COL28A1: variants seen among roughly 807,000 people sequenced by gnomAD.
The protein encoded by COL28A1 is collagen alpha-1(XXVIII) chain.
In COL28A1, 161 loss-of-function variants were observed where a neutral mutation model predicts 150.2. That is an observed-to-expected ratio of 1.07 (90% confidence interval 0.94 to 1.22). The LOEUF (loss-of-function observed/expected upper bound fraction) is 1.22, where lower values mean the gene tolerates loss of function less well. Among genes scored for constraint, COL28A1 ranks in the 50% most tolerant of loss-of-function variants. The probability of loss-of-function intolerance (pLI) is 0.00; values close to 1 mark genes in which losing one functional copy is unlikely to be tolerated. For synonymous variants in COL28A1, 552 were observed against 469.7 expected (o/e 1.18, Z -2.26); for missense variants, 1,617 against 1,388.3 (o/e 1.16, Z -2.62).
intron 27 of COL28A1, among the ~76,000 whole-genome samples, chr7:7,384,041 C>A (rs1019300104): frequency 6.6e-6 from 1 of 152,088 alleles, no homozygotes; most frequent in East Asian, 1.9e-4. Flanking sequence ...CTCTAAGGTT[C>A]TTTTTATTCT....
intron 11 of COL28A1, among the ~76,000 whole-genome samples, 169 bp from the exon 12 acceptor site, chr7:7,490,815 C>T (rs1465927501): frequency 6.6e-6 from 1 of 152,166 alleles, no homozygotes; most frequent in African/African-American, 2.4e-5. Flanking sequence ...AAAACACAGA[C>T]CCAAGATCAA....
At chr7:7,481,263 G>C (rs908031217) in intron 13 of COL28A1, among the ~76,000 whole-genome samples, 3 of 152,186 alleles carry the variant, frequency 2.0e-5, no homozygotes, top group Non-Finnish European at 4.4e-5. Context: ...TGAGAACGGA[G>C]AGTTAATGCT....
At chr7:7,511,243 G>T in intron 8 of COL28A1, 108 bp from the exon 9 acceptor site, 1 of 846,836 alleles carries the variant, frequency 1.2e-6, no homozygotes, top group Non-Finnish European at 1.9e-6. Flanking sequence ...TGTAACATAA[G>T]CACTCTTTTG....
At chr7:7,519,130 G>A (rs1484478623) in intron 6 of COL28A1, among the ~76,000 whole-genome samples, 1 of 152,198 alleles carries the variant, frequency 6.6e-6, no homozygotes, top group African/African-American at 2.4e-5. Context: ...TGGACTCACA[G>A]TTCCACAGTG....
upstream of COL28A1, among the ~76,000 whole-genome samples, chr7:7,537,462 C>T (rs1181142673): frequency 6.6e-6 from 1 of 152,112 alleles, no homozygotes; most frequent in Non-Finnish European, 1.5e-5. Flanking sequence ...AATATTATTC[C>T]AGGACCCCTT....
chr7:7,372,950 G>C (rs578148010), intron 32 of COL28A1, 48 bp downstream of exon 32: 7 of 1,519,398 alleles, frequency 4.6e-6, no homozygotes, highest in Middle Eastern at 1.7e-4. Flanking sequence ...ATGGTACTTA[G>C]AGGAACAACA....
Position 7,411,975 on chromosome 7 carries a change from A to G in COL28A1, c.2136+5884T>C, listed in dbSNP as rs1185630963. ...ACCAATATACTTCAGAGCAAAAAATAACTTAAAATTTCCATCCTTCCTAGA... is the reference window on the plus strand; with the variant it reads ...ACCAATATACTTCAGAGCAAAAAATGACTTAAAATTTCCATCCTTCCTAGA... On this transcript the variant is annotated intron_variant, in intron 27 of 34. Transcript: ENST00000399429. Among the ~76,000 whole-genome samples the G allele has an allele frequency of 2.1e-3, 324 of 152,104 alleles. 1 individual carries two copies. The highest frequency in any genetic ancestry group is 7.2e-3 in the African/African-American group (299 of 41,398).
At chr7:7,522,769 C>A (rs1781796171) in intron 4 of COL28A1, among the ~76,000 whole-genome samples, 1 of 113,558 alleles carries the variant, frequency 8.8e-6, no homozygotes, top group Non-Finnish European at 1.7e-5. Flanking sequence ...CCTTGGGCCA[C>A]GCATAAAATA....
chr7:7,347,075 C>T, the COL28A1 span, among the ~76,000 whole-genome samples: 22 of 152,024 alleles, frequency 1.4e-4, no homozygotes, highest in Non-Finnish European at 2.6e-4. Flanking sequence ...TACCAGAAGG[C>T]TTTTTTCCAT....
chr7:7,345,773 T>G, the COL28A1 span, among the ~76,000 whole-genome samples: 1 of 152,054 alleles, frequency 6.6e-6, no homozygotes, highest in African/African-American at 2.4e-5. Flanking sequence ...CTTCTCAGAT[T>G]TTCTGTTCAT....
At chr7:7,414,799 G>C (rs1284915108) in intron 27 of COL28A1, among the ~76,000 whole-genome samples, 1 of 152,138 alleles carries the variant, frequency 6.6e-6, no homozygotes, top group African/African-American at 2.4e-5. Flanking sequence ...TTGCTCCTAG[G>C]ATTAAGGCCA....
intron 21 of COL28A1, among the ~76,000 whole-genome samples, chr7:7,438,284 G>A (rs2128318235): frequency 6.6e-6 from 1 of 152,208 alleles, no homozygotes; most frequent in South Asian, 2.1e-4. Context: ...TTAAAAAAAT[G>A]ACATTTTTAA....
At chr7:7,359,006 TATTA>T (rs33986575) in intron 34 of COL28A1, among the ~76,000 whole-genome samples, 93,068 of 151,550 alleles carry the variant, frequency 0.61, 32,588 homozygotes, top group East Asian at 0.87. Flanking sequence ...TGCTACTAGA[TATTA>T]ATTCTTTTGA....
intron 27 of COL28A1, among the ~76,000 whole-genome samples, chr7:7,404,079 T>C (rs1783366120): frequency 6.6e-6 from 1 of 152,142 alleles, no homozygotes; most frequent in Non-Finnish European, 1.5e-5. Flanking sequence ...CACATCAATC[T>C]TTTATTAGAC....
At chr7:7,542,933 G>A in the COL28A1 span, among the ~76,000 whole-genome samples, 1 of 152,096 alleles carries the variant, frequency 6.6e-6, no homozygotes, top group Non-Finnish European at 1.5e-5. Context: ...CTAGGAAAGT[G>A]GAAGAAATGA....
chr7:7,398,857 G>C (rs1286376132), intron 27 of COL28A1, among the ~76,000 whole-genome samples: 1 of 152,154 alleles, frequency 6.6e-6, no homozygotes, highest in Non-Finnish European at 1.5e-5. Flanking sequence ...TGAGTGTTTA[G>C]TGGTTTGTGT....
chr7:7,433,174 A>T (rs1252753917), intron 23 of COL28A1, among the ~76,000 whole-genome samples: 1 of 152,202 alleles, frequency 6.6e-6, no homozygotes, highest in Non-Finnish European at 1.5e-5. Flanking sequence ...AAAAACTTTT[A>T]GTAACAGCCC....
chr7:7,483,059 C>G (rs1315431559), intron 13 of COL28A1, among the ~76,000 whole-genome samples: 1 of 152,176 alleles, frequency 6.6e-6, no homozygotes, highest in Non-Finnish European at 1.5e-5. Flanking sequence ...CAGTCTCCAA[C>G]TTAAGATGGG....
chr7:7,444,751 A>G (rs1352761112), intron 18 of COL28A1, among the ~76,000 whole-genome samples: 1 of 152,128 alleles, frequency 6.6e-6, no homozygotes, highest in East Asian at 1.9e-4. Context: ...CCTTAATTGG[A>G]AACATGGTCT....
Sources: allele counts gnomAD v4.1 joint callset (sites outside exome capture counted in the v4.1 genomes callset), GRCh38; gene constraint gnomAD v4.1.1; transcripts MANE v1.5; gene names NCBI Gene and HGNC (gene_info 2026-07-23, HGNC 2026-07-21).